The following ARHGAP1 variants were observed in gnomAD, a reference collection of about 807,000 sequenced individuals.
ARHGAP1 encodes Rho GTPase activating protein 1.
In ARHGAP1, 23 loss-of-function variants were observed where a neutral mutation model predicts 52.2. That is an observed-to-expected ratio of 0.44 (90% CI 0.32 to 0.62). The LOEUF (loss-of-function observed/expected upper bound fraction) is 0.62, where lower values mean the gene tolerates loss of function less well. Among genes scored for constraint, ARHGAP1 ranks in the 20% least tolerant of loss-of-function variants. The pLI is 0.05. For missense variants in ARHGAP1, 480 were observed against 560.9 expected (o/e 0.86, Z 1.46); for synonymous variants, 210 against 228.4 (o/e 0.92, Z 0.73).
chr11:46,680,010 G>A lies in ARHGAP1; in HGVS notation c.898+195C>T, dbSNP rs2064511601. Among the ~76,000 whole-genome samples the A allele has an allele frequency of 6.6e-6, 1 of 152,136 alleles. No individual in the cohort carries two copies. The highest frequency in any genetic ancestry group is 1.5e-5 in the Non-Finnish European group (1 of 68,008). Reference sequence around the variant, plus strand: ...ACCGTTATTCCTTGCCTCTGAATGTGCCTATACCCAGGACCCGGGAGCCCG... The same window carrying A: ...ACCGTTATTCCTTGCCTCTGAATGTACCTATACCCAGGACCCGGGAGCCCG... On this transcript the variant is annotated intron_variant, in intron 10 of 12. Coordinates refer to ENST00000311956, the MANE Select transcript of ARHGAP1 (RefSeq NM_004308.5). This position sits in a 1 kb window ranked among gnomAD's most constrained non-coding sequence, Gnocchi z 5.9.
chr11:46,677,944 G>GAAAA lies in ARHGAP1; in HGVS notation c.*1089_*1092dup. ...GGTGACAGAGCGAGACTCCATCTCA[G>GAAAA]AAAAAAAAAAAAAAAGGTGGCCCTA... On this transcript the variant is annotated 3_prime_UTR_variant, in exon 13 of 13. Transcript: ENST00000311956. The GAAAA allele has an allele frequency of 3.3e-5, 12 of 365,922 alleles. No homozygotes were observed. The highest frequency in any genetic ancestry group is 1.7e-4 in the East Asian group (2 of 11,544). The allele number at this position is 365,922 out of a possible 1,614,324, so 22.7% of individuals were successfully genotyped here. A position where few individuals can be genotyped will look rare whatever the true frequency, so the allele number is the denominator to read the frequency against.
Position 46,679,272 on chromosome 11 carries a change from T to A in ARHGAP1, c.1132-47A>T. On this transcript the variant is annotated intron_variant, in intron 12 of 12. Coordinates refer to ENST00000311956, the MANE Select transcript of ARHGAP1 (RefSeq NM_004308.5). The surrounding 1 kb of genome is among the most constrained non-coding windows in gnomAD (Gnocchi z 4.4). ...GCAGCAGGAAGCCACAGATGCTGCC[T>A]CCCACTCCCAGCAACAATGACCAGG... 1 of 1,592,896 alleles carries A rather than the reference T, an allele frequency of 6.3e-7. No individual in the cohort carries two copies.
chr11:46,684,023 A>G (rs1364189472), intron 4 of ARHGAP1, among the ~76,000 whole-genome samples: 2 of 152,168 alleles, frequency 1.3e-5, no homozygotes, highest in Non-Finnish European at 2.9e-5. Context: ...GGCAGGCAGA[A>G]TGCTAAGCAC....
chr11:46,694,989 A>G (rs2064641773), intron 3 of ARHGAP1: 1 of 165,408 alleles, frequency 6.0e-6, no homozygotes, highest in African/African-American at 2.4e-5. Context: ...TGTTAGGGAA[A>G]AGATAAAGGA....
intron 3 of ARHGAP1, among the ~76,000 whole-genome samples, chr11:46,692,953 C>G (rs543193890): frequency 6.6e-6 from 1 of 151,714 alleles, no homozygotes; most frequent in East Asian, 1.9e-4. Flanking sequence ...CCCGGGTTCA[C>G]GCTATTCTCC....
In ARHGAP1 at chr11:46,695,705, C is replaced by A; in HGVS notation, c.184G>T (p.Asp62Tyr). The A allele has an allele frequency of 6.4e-7, 1 of 1,552,036 alleles. No homozygotes were observed. The highest frequency in any genetic ancestry group is 1.2e-5 in the South Asian group (1 of 84,102). The stretch of plus-strand genomic sequence containing the variant: ...TGCCGGGCGATGTCATAGTATGGGT[C>A]ATCCCACTTCAGGTGTGTGACAAGT... Reference protein sequence around the residue: ...PELVTHLKWDDPYYDIARHQI... With the variant: ...PELVTHLKWDYPYYDIARHQI... Residue 62 changes from aspartate (D) to tyrosine (Y), a missense_variant, in exon 3 of 13, where the codon GAC becomes TAC. Transcript: ENST00000311956.
rs916741572 is a variant in ARHGAP1 at position 46,677,779 on chromosome 11, G to A, written c.*1258C>T. ...ATCCTGGCCAACATGGTGAAACCCC[G>A]TCTCTACTAAAAATACAAAAATTAG... On this transcript the variant is annotated 3_prime_UTR_variant, in exon 13 of 13. Transcript: ENST00000311956. 1.3e-4 allele frequency: 41 copies of A among 305,000 alleles called. No homozygotes were observed. Among genetic ancestry groups the A allele is most frequent in the South Asian group, 3.9e-4 (16 of 40,954 alleles). 18.9% of individuals were successfully genotyped at this position (305,000 alleles called of 1,614,324 possible). A position where few individuals can be genotyped will look rare whatever the true frequency, so the allele number is the denominator to read the frequency against.
Position 46,679,707 on chromosome 11 carries a change from C to A in ARHGAP1, c.968G>T (p.Arg323Leu). Residue 323 changes from arginine (R) to leucine (L), a missense_variant, in exon 11 of 13, where the codon CGG becomes CTG. Physicochemically the swap from Arg to Leu is moderately radical, Grantham distance 102. Transcript: ENST00000311956. The surrounding 1 kb of genome is among the most constrained non-coding windows in gnomAD (Gnocchi z 4.4). ...GGTGAGCAGGGGCTCAGGAAGCTCC[C>A]GGAGGAAGGTCTTGAGGATGACTGC... ...LPAVILKTFL[R>L]ELPEPLLTFD... The A allele has an allele frequency of 6.2e-7, 1 of 1,614,102 alleles. No homozygotes were observed.
Position 46,681,748 on chromosome 11 carries a change from C to G in ARHGAP1, c.449+303G>C, listed in dbSNP as rs763307260. 6.6e-6 allele frequency among the ~76,000 whole-genome samples: 1 copy of G among 152,158 alleles called. No homozygotes were observed. The highest frequency in any genetic ancestry group is 1.5e-5 in the Non-Finnish European group (1 of 68,028). On this transcript the variant is annotated intron_variant, in intron 5 of 12. Transcript: ENST00000311956. The surrounding 1 kb of genome is among the most constrained non-coding windows in gnomAD (Gnocchi z 5.7). ...CACACCCTGCCTCAGTGCATATTTTCTGATTTGAACATGCATGGCCAGCAT... is the reference window on the plus strand; with the variant it reads ...CACACCCTGCCTCAGTGCATATTTTGTGATTTGAACATGCATGGCCAGCAT...
In ARHGAP1 at chr11:46,682,074, A is replaced by G. The variant is rs2064533294; in HGVS notation, c.426T>C (p.Asp142=). The change falls in exon 5 of 13, where the codon GAT becomes GAC. Residue 142 remains aspartate, a synonymous_variant. Transcript: ENST00000311956. The part of the protein sequence containing the change: ...DNKPSLSWLR[D]AYREFDRKYK... ...ACTTGCGGTCAAACTCCCGGTAGGC[A>G]TCACGGAGCCAGCTGAGGGAGGGCT... 6.2e-7 allele frequency: 1 copy of G among 1,614,144 alleles called. No homozygotes were observed. Among genetic ancestry groups the G allele is most frequent in the Admixed American group, 1.7e-5 (1 of 60,008 alleles).
At position 46,681,412 on chromosome 11, in the gene ARHGAP1, G is replaced by A. The variant is rs773149855; in HGVS notation, c.450-33C>T. On this transcript the variant is annotated intron_variant, in intron 5 of 12. Transcript: ENST00000311956. The surrounding 1 kb of genome is among the most constrained non-coding windows in gnomAD (Gnocchi z 5.7). ...GACAGAATGGACAACTCAGGAGCAG[G>A]CGTGGTGGGACAGGTGCCACGCTAG... 4 of 1,532,540 alleles carry A rather than the reference G, an allele frequency of 2.6e-6. No homozygotes were observed. Among genetic ancestry groups the A allele is most frequent in the Admixed American group, 3.3e-5 (2 of 59,830 alleles). 94.9% of individuals were successfully genotyped at this position (1,532,540 alleles called of 1,614,324 possible).
At chr11:46,682,364 G>T (rs1256908630) in intron 4 of ARHGAP1, among the ~76,000 whole-genome samples, 182 bp from the exon 5 acceptor site, 5 of 152,336 alleles carry the variant, frequency 3.3e-5, no homozygotes, top group African/African-American at 1.2e-4. Flanking sequence ...CTAGGGTAGA[G>T]GCTGGGCAGA....
rs937378577 is a variant in ARHGAP1, at chr11:46,681,827, A to C, written c.449+224T>G. The stretch of plus-strand genomic sequence containing the variant: ...TTACAGATTAGAAAACAGGAGGCTC[A>C]AAGAGGTTAAGTAAAACAAGAGGTC... On this transcript the variant is annotated intron_variant, in intron 5 of 12. Transcript: ENST00000311956. The surrounding 1 kb of genome is among the most constrained non-coding windows in gnomAD (Gnocchi z 5.7). Among the ~76,000 whole-genome samples the C allele has an allele frequency of 5.5e-4, 84 of 152,238 alleles. No homozygotes were observed. Among genetic ancestry groups the C allele is most frequent in the African/African-American group, 1.7e-3 (72 of 41,464 alleles).
At chr11:46,698,254 A>G (rs1271148222) in intron 1 of ARHGAP1, among the ~76,000 whole-genome samples, 2 of 152,178 alleles carry the variant, frequency 1.3e-5, no homozygotes, top group Non-Finnish European at 1.5e-5. Flanking sequence ...TCCCAGAAAT[A>G]TAATTCTCCA....
rs73451902 is a variant in ARHGAP1 at position 46,681,194 on chromosome 11, G to A, written c.537-85C>T. 33 of 1,539,916 alleles carry A rather than the reference G, an allele frequency of 2.1e-5. No individual in the cohort carries two copies. The highest frequency in any genetic ancestry group is 5.0e-5 in the Admixed American group (3 of 59,730). ...CCCTCAACACCCACCCAGTTCAGAC[G>A]GAAGCCCAGCCGCACCTGGTGGTCC... On this transcript the variant is annotated intron_variant, in intron 6 of 12. Transcript: ENST00000311956. The surrounding 1 kb of genome is among the most constrained non-coding windows in gnomAD (Gnocchi z 5.7).
chr11:46,682,211 G>C (rs1333622931), intron 4 of ARHGAP1, 29 bp from the exon 5 acceptor site: 1 of 1,612,372 alleles, frequency 6.2e-7, no homozygotes, highest in South Asian at 1.1e-5. Context: ...GCTCAGGCCT[G>C]CCCTGTGCAC....
chr11:46,684,343 T>G (rs2064552063), intron 4 of ARHGAP1, among the ~76,000 whole-genome samples: 1 of 152,228 alleles, frequency 6.6e-6, no homozygotes. Context: ...GGAAATAAAG[T>G]GATGTTTATC....
Position 46,680,091 on chromosome 11 carries a change from G to A in ARHGAP1, c.898+114C>T, listed in dbSNP as rs559308604. On this transcript the variant is annotated intron_variant, in intron 10 of 12. Transcript: ENST00000311956. This position sits in a 1 kb window ranked among gnomAD's most constrained non-coding sequence, Gnocchi z 5.9. Reference sequence around the variant, plus strand: ...GGACTTATGTGACACCCAGAGCCACGGAAACCTCCAGCAGGAAGAGACTCT... The same window carrying A: ...GGACTTATGTGACACCCAGAGCCACAGAAACCTCCAGCAGGAAGAGACTCT... 9.1e-6 allele frequency: 12 copies of A among 1,320,640 alleles called. No individual in the cohort carries two copies. The highest frequency in any genetic ancestry group is 2.4e-5 in the South Asian group (2 of 83,860). 81.8% of individuals were successfully genotyped at this position (1,320,640 alleles called of 1,614,324 possible). A position where few individuals can be genotyped will look rare whatever the true frequency, so the allele number is the denominator to read the frequency against.
chr11:46,679,848 C>T lies in ARHGAP1; in HGVS notation c.899-72G>A. ...AGCACCCATCTGCAGACAACGCGGG[C>T]CGCACTGCCTGACTGCCCCTGGACA... On this transcript the variant is annotated intron_variant, in intron 10 of 12. Transcript: ENST00000311956. The surrounding 1 kb of genome is among the most constrained non-coding windows in gnomAD (Gnocchi z 4.4). 4 of 1,596,634 alleles carry T rather than the reference C, an allele frequency of 2.5e-6. No homozygotes were observed. Among genetic ancestry groups the T allele is most frequent in the Middle Eastern group, 2.2e-4 (1 of 4,584 alleles).
Sources: gnomAD v4.1 joint callset for allele counts (sites outside exome capture counted in the v4.1 genomes callset) on GRCh38, gnomAD v4.1.1 for gene constraint, Gnocchi (gnomAD v3.1) non-coding constraint, MANE v1.5 for transcripts, NCBI Gene and HGNC (gene_info 2026-07-23, HGNC 2026-07-21) for gene names.